Variants in CADM1 observed in about 807,000 individuals in gnomAD.
The protein encoded by CADM1 is cell adhesion molecule 1.
CADM1 carries 15 observed loss-of-function variants against 53.1 expected under a neutral mutation model. That is an observed-to-expected ratio of 0.28 (90% CI 0.19 to 0.44). CADM1 has a LOEUF of 0.44. Among genes scored for constraint, CADM1 ranks in the 20% least tolerant of loss-of-function variants. The pLI is 1.00. For synonymous variants in CADM1, 281 were observed against 243.0 expected (o/e 1.16, Z -1.45); for missense variants, 434 against 611.3 (o/e 0.71, Z 3.06).
At chr11:115,401,791 T>C (rs1255728642) in intron 1 of CADM1, among the ~76,000 whole-genome samples, 1 of 152,126 alleles carries the variant, frequency 6.6e-6, no homozygotes, top group Non-Finnish European at 1.5e-5. Flanking sequence ...ATGTAAACCA[T>C]GGACTTTGGG....
rs552309443 is a variant in CADM1, at chr11:115,369,026, T to TAAA, written c.125-128609_125-128607dup. On this transcript the variant is annotated intron_variant, in intron 1 of 11. Transcript: ENST00000331581. ...GTGCCTAGCAGAGTGAAAAAAAATC[T>TAAA]AAAAAAAAAAAAAAAAAAAAAAAAA... Among the ~76,000 whole-genome samples the TAAA allele has an allele frequency of 9.1e-3, 406 of 44,740 alleles. 14 individuals are homozygous for TAAA. The highest frequency in any genetic ancestry group is 0.029 in the African/African-American group (350 of 11,972). 29.4% of individuals were successfully genotyped at this position (44,740 alleles called of 152,430 possible). A position where few individuals can be genotyped will look rare whatever the true frequency, so the allele number is the denominator to read the frequency against.
chr11:115,379,979 AG>A (rs1435016869), intron 1 of CADM1, among the ~76,000 whole-genome samples: 1 of 152,154 alleles, frequency 6.6e-6, no homozygotes, highest in Non-Finnish European at 1.5e-5. Context: ...CAACACATAT[AG>A]GTCAGATCAA....
In CADM1 at chr11:115,169,636, G is replaced by T; in HGVS notation, c.*6838C>A. On this transcript the variant is annotated 3_prime_UTR_variant, in exon 12 of 12. Transcript: ENST00000331581. ...GTTAGAGAAAACAGGCCTAGAGAGA[G>T]GGAGAGAAAGAGAAAGAGAGAGAGA... The T allele has an allele frequency of 2.2e-6, 1 of 456,560 alleles. No individual in the cohort carries two copies. The highest frequency in any genetic ancestry group is 1.5e-5 in the South Asian group (1 of 64,552). The allele number at this position is 456,560 out of a possible 1,614,324, so 28.3% of individuals were successfully genotyped here.
chr11:115,308,141 CTGTGTGTGTGTGTG>C (rs199736406), intron 1 of CADM1, among the ~76,000 whole-genome samples: 2,025 of 133,440 alleles, frequency 0.015, 21 homozygotes, highest in Non-Finnish European at 0.018. Context: ...AACTCTCTCT[CTGTGTGTGTGTGTG>C]TGTGTGTGTG....
At chr11:115,279,574 G>A (rs1259642705) in intron 1 of CADM1, among the ~76,000 whole-genome samples, 2 of 152,138 alleles carry the variant, frequency 1.3e-5, no homozygotes, top group East Asian at 3.8e-4. Flanking sequence ...CAAGTTATAG[G>A]TGAAAACTGA....
At chr11:115,385,690 A>G (rs553152652) in intron 1 of CADM1, among the ~76,000 whole-genome samples, 4 of 152,040 alleles carry the variant, frequency 2.6e-5, no homozygotes, top group Non-Finnish European at 5.9e-5. Context: ...TAACTTAATC[A>G]AGATTTTGCA....
At chr11:115,210,609 T>C (rs908450111) in intron 7 of CADM1, among the ~76,000 whole-genome samples, 1 of 152,242 alleles carries the variant, frequency 6.6e-6, no homozygotes, top group Non-Finnish European at 1.5e-5. Context: ...TCTGCTATAA[T>C]AGAGCATAAG....
At chr11:115,253,300 C>T (rs1443462716) in intron 1 of CADM1, among the ~76,000 whole-genome samples, 1 of 152,172 alleles carries the variant, frequency 6.6e-6, no homozygotes, top group Non-Finnish European at 1.5e-5. Context: ...CAGATAATTC[C>T]TGCCTTTAGG....
chr11:115,219,220 T>A (rs937697509), intron 5 of CADM1, among the ~76,000 whole-genome samples: 2 of 152,202 alleles, frequency 1.3e-5, no homozygotes, highest in African/African-American at 4.8e-5. Flanking sequence ...ACATTCATCC[T>A]ATGGAATAAG....
At chr11:115,504,156 T>G in intron 1 of CADM1, 115 bp downstream of exon 1, 1 of 1,456,160 alleles carries the variant, frequency 6.9e-7, no homozygotes, top group Non-Finnish European at 9.4e-7. Context: ...CTCCCTCCGC[T>G]TCGGATGTAG....
intron 1 of CADM1, among the ~76,000 whole-genome samples, chr11:115,430,241 T>G (rs1355624982): frequency 6.6e-6 from 1 of 152,188 alleles, no homozygotes; most frequent in African/African-American, 2.4e-5. Flanking sequence ...TTTCTCATTC[T>G]CCTCCAGCCA....
At chr11:115,295,380 C>CA (rs1944023382) in intron 1 of CADM1, among the ~76,000 whole-genome samples, 1 of 151,412 alleles carries the variant, frequency 6.6e-6, no homozygotes, top group Admixed American at 6.6e-5. Flanking sequence ...GGTCAGTCTT[C>CA]ATGTCTCTCT....
intron 9 of CADM1, among the ~76,000 whole-genome samples, chr11:115,196,657 T>C (rs45498691): frequency 0.013 from 1,931 of 150,394 alleles, 22 homozygotes; most frequent in Non-Finnish European, 0.021. Flanking sequence ...AGAAAGTTTA[T>C]GAATTTGTGT....
chr11:115,285,206 C>T (rs1464134313), intron 1 of CADM1, among the ~76,000 whole-genome samples: 1 of 152,170 alleles, frequency 6.6e-6, no homozygotes, highest in Non-Finnish European at 1.5e-5. Context: ...GGCTTAAAAT[C>T]AGATCGAACA....
intron 3 of CADM1, among the ~76,000 whole-genome samples, chr11:115,232,059 C>A (rs1941839098): frequency 1.3e-5 from 2 of 152,008 alleles, no homozygotes; most frequent in Non-Finnish European, 2.9e-5. Flanking sequence ...TATCACTGAG[C>A]ACATTATATC....
intron 10 of CADM1, among the ~76,000 whole-genome samples, chr11:115,187,452 G>A (rs1939617738): frequency 6.6e-6 from 1 of 152,076 alleles, no homozygotes; most frequent in Non-Finnish European, 1.5e-5. Context: ...TTTTTGAGAT[G>A]GAGTCTCTTT....
chr11:115,470,066 T>G (rs150875420), intron 1 of CADM1, among the ~76,000 whole-genome samples: 3 of 152,240 alleles, frequency 2.0e-5, no homozygotes, highest in African/African-American at 7.2e-5. Context: ...TAGTAATGCC[T>G]ACTTTTTACT....
chr11:115,193,821 G>C (rs573230719), intron 9 of CADM1: 1 of 151,988 alleles, frequency 6.6e-6, no homozygotes, highest in Non-Finnish European at 1.5e-5. Context: ...CAAAGTAGGC[G>C]ATGGTCTCTC....
intron 1 of CADM1, among the ~76,000 whole-genome samples, chr11:115,378,641 T>C (rs1946498673): frequency 1.3e-5 from 2 of 152,228 alleles, no homozygotes; most frequent in African/African-American, 4.8e-5. Context: ...AAGCTAGGAA[T>C]AGTATTTGTC....
Sources: allele counts gnomAD v4.1 joint callset (sites outside exome capture counted in the v4.1 genomes callset), GRCh38; gene constraint gnomAD v4.1.1; transcripts MANE v1.5; gene names NCBI Gene and HGNC (gene_info 2026-07-23, HGNC 2026-07-21).